The following SRCAP variants were observed in gnomAD, a reference collection of about 807,000 sequenced individuals.
The protein encoded by SRCAP is chromatin remodeling protein SRCAP.
SRCAP carries 46 observed loss-of-function variants against 263.1 expected under a neutral mutation model. The ratio of observed to expected loss-of-function variants is 0.17; its 90% CI spans 0.14 to 0.22. The LOEUF (loss-of-function observed/expected upper bound fraction) is 0.22, where lower values mean the gene tolerates loss of function less well. Among genes scored for constraint, SRCAP ranks in the 10% least tolerant of loss-of-function variants. SRCAP has a pLI of 1.00. For synonymous variants in SRCAP, 1,813 were observed against 1,662.1 expected, an observed-to-expected ratio of 1.09 and a Z score of -2.21; for missense variants, 3,695 against 4,181.9, an observed-to-expected ratio of 0.88 and a Z score of 3.21.
intron 18 of SRCAP, among the ~76,000 whole-genome samples, chr16:30,717,151 G>A (rs2052958855): frequency 6.6e-6 from 1 of 152,020 alleles, no homozygotes; most frequent in African/African-American, 2.4e-5. Context: ...ATTAATGAGT[G>A]TGAATTGGTA....
Position 30,712,124 on chromosome 16 carries a change from C to T in SRCAP, c.1782C>T (p.Leu594=). The stretch of plus-strand genomic sequence containing the variant: ...ACATTGCTGCAGCAGCTGAAAGTCT[C>T]CAGCCCAAGGGTTACACGCTGGCCA... ...ITDIAAAAES[L]QPKGYTLATT... is the part of the protein sequence containing the mutation. The change falls in exon 12 of 34, where the codon CTC becomes CTT. Residue 594 remains leucine, a synonymous_variant. Transcript: ENST00000262518. 6.2e-7 allele frequency: 1 copy of T among 1,614,130 alleles called. No homozygotes were observed. The highest frequency in any genetic ancestry group is 8.5e-7 in the Non-Finnish European group (1 of 1,180,026).
chr16:30,727,373 CT>C (rs1332781309), intron 25 of SRCAP, among the ~76,000 whole-genome samples: 5 of 152,086 alleles, frequency 3.3e-5, no homozygotes, highest in Non-Finnish European at 1.5e-5. Context: ...ATTACAGATC[CT>C]TTTTCAGACG....
intron 8 of SRCAP, 23 bp downstream of exon 8, chr16:30,710,151 G>A: frequency 1.2e-6 from 2 of 1,601,536 alleles, no homozygotes; most frequent in Non-Finnish European, 1.7e-6. Context: ...GGAGCAGAGG[G>A]AGGGTTCAGA....
chr16:30,725,351 TAAATG>T (rs2053054518), intron 25 of SRCAP: 5 of 478,810 alleles, frequency 1.0e-5, no homozygotes, highest in African/African-American at 7.9e-5. Flanking sequence ...CGCACGGTAA[TAAATG>T]GGCAGTAAAA....
In SRCAP at chr16:30,737,857, C is replaced by T; in HGVS notation, c.7817C>T (p.Ala2606Val). 6.2e-7 allele frequency: 1 copy of T among 1,614,220 alleles called. No homozygotes were observed. Among genetic ancestry groups the T allele is most frequent in the South Asian group, 1.1e-5 (1 of 91,092 alleles). ...SEKNLSLTPS[A>V]PSLTLEAGSI... ...AAGAACCTTTCTCTCACCCCTTCTG[C>T]ACCCAGCCTGACCTTGGAGGCTGGC... Residue 2606 changes from alanine (A) to valine (V), a missense_variant, in exon 34 of 34, where the codon GCA (alanine) becomes GTA (valine). This residue lies in a region of SRCAP where 1,207 missense variants were observed against 1,142.9 expected (regional missense o/e 1.06). Transcript: ENST00000262518.
chr16:30,711,689 A>G lies in SRCAP; in HGVS notation c.1437A>G (p.Pro479=), dbSNP rs1458004783. Residue 479 remains proline (P), a synonymous_variant, in exon 11 of 34, where the codon CCA becomes CCG. Coordinates refer to ENST00000262518, the MANE Select transcript of SRCAP (RefSeq NM_006662.3). The stretch of plus-strand genomic sequence containing the variant: ...ATGCTAATAGCTCTGACTGTGAACC[A>G]GAGGGGCCCGTGGAAGCGGAAGAGC... ...EVDANSSDCE[P]EGPVEAEEPP... 1 of 1,614,086 alleles carries G rather than the reference A, an allele frequency of 6.2e-7. No homozygotes were observed. The highest frequency in any genetic ancestry group is 8.5e-7 in the Non-Finnish European group (1 of 1,179,996).
chr16:30,719,919 A>C (rs1292250677), intron 18 of SRCAP, among the ~76,000 whole-genome samples: 1 of 152,128 alleles, frequency 6.6e-6, no homozygotes, highest in Non-Finnish European at 1.5e-5. Context: ...GGTTGTGAGC[A>C]TGGTACTCAA....
intron 6 of SRCAP, among the ~76,000 whole-genome samples, chr16:30,709,041 A>G (rs1451054293): frequency 6.6e-6 from 1 of 151,536 alleles, no homozygotes; most frequent in Non-Finnish European, 1.5e-5. Flanking sequence ...CTGGTCTCGA[A>G]CTCCTGACCT....
In SRCAP at chr16:30,737,772, T is replaced by C; in HGVS notation, c.7732T>C (p.Ser2578Pro). The C allele has an allele frequency of 6.2e-7, 1 of 1,614,142 alleles. No homozygotes were observed. The highest frequency in any genetic ancestry group is 8.5e-7 in the Non-Finnish European group (1 of 1,180,028). ...SVASSETSSL[S>P]LVPPKDLLPV... is the part of the protein sequence containing the mutation. ...GGCCAGTTCAGAAACCTCCTCACTT[T>C]CTCTTGTGCCCCCTAAAGATCTGTT... The change falls in exon 34 of 34, where the codon TCT (serine) becomes CCT (proline). Residue 2578 changes from serine to proline, a missense_variant. Ser to Pro is a moderately conservative substitution (Grantham distance 74, BLOSUM62 -1). Coordinates refer to ENST00000262518, the MANE Select transcript of SRCAP (RefSeq NM_006662.3).
chr16:30,712,937 A>G (rs1414534142), intron 14 of SRCAP, 122 bp downstream of exon 14: 2 of 1,295,344 alleles, frequency 1.5e-6, no homozygotes, highest in Non-Finnish European at 2.1e-6. Flanking sequence ...AATTTTTTGT[A>G]AAAATAAAGA....
Position 30,712,039 on chromosome 16 carries a change from C to T in SRCAP, c.1697C>T (p.Ala566Val), listed in dbSNP as rs1294696166. The T allele has an allele frequency of 4.3e-6, 7 of 1,614,000 alleles. No individual in the cohort carries two copies. The highest frequency in any genetic ancestry group is 5.9e-6 in the Non-Finnish European group (7 of 1,180,000). ...ARDEEQSEAD[A>V]GSGPPTPGPT... ...GATGAAGAGCAGAGTGAGGCAGATG[C>T]AGGCAGTGGGCCTCCTACTCCAGGG... The change falls in exon 12 of 34, where the codon GCA becomes GTA. Residue 566 changes from alanine (A) to valine (V), a missense_variant. By Grantham distance (64) the Ala-to-Val change is moderately conservative (BLOSUM62 0). Transcript: ENST00000262518.
intron 6 of SRCAP, among the ~76,000 whole-genome samples, chr16:30,708,433 C>G (rs750090403): frequency 3.3e-5 from 5 of 152,062 alleles, no homozygotes; most frequent in Non-Finnish European, 1.5e-5. Flanking sequence ...CAGAGTCTCA[C>G]CCCGTCACCT....
chr16:30,735,374 C>T (rs1295431592), intron 31 of SRCAP, among the ~76,000 whole-genome samples: 3 of 151,338 alleles, frequency 2.0e-5, no homozygotes, highest in Non-Finnish European at 4.4e-5. Context: ...TCTCGATCTC[C>T]TGACCTCGTG....
Position 30,709,645 on chromosome 16 carries a change from A to G in SRCAP, c.766A>G (p.Thr256Ala). Reference sequence around the variant, plus strand: ...GTCTCAGAGCCTCAACCAGCCATTAACCTCCAGCAAAGCAGGCTCTTCCCC... The same window carrying G: ...GTCTCAGAGCCTCAACCAGCCATTAGCCTCCAGCAAAGCAGGCTCTTCCCC... ...LLSQSLNQPL[T>A]SSKAGSSPCL... Residue 256 changes from threonine (T) to alanine (A), a missense_variant, in exon 7 of 34, where the codon ACC becomes GCC. By Grantham distance (58) the Thr-to-Ala change is moderately conservative. Coordinates refer to ENST00000262518, the MANE Select transcript of SRCAP (RefSeq NM_006662.3). The G allele has an allele frequency of 6.2e-7, 1 of 1,614,028 alleles. No homozygotes were observed. Among genetic ancestry groups the G allele is most frequent in the Non-Finnish European group, 8.5e-7 (1 of 1,179,996 alleles).
chr16:30,705,994 C>T (rs1466618926), intron 4 of SRCAP, among the ~76,000 whole-genome samples: 1 of 152,132 alleles, frequency 6.6e-6, no homozygotes, highest in African/African-American at 2.4e-5. Context: ...GTGAGCACAA[C>T]CTGTTTCTAA....
At chr16:30,723,490 A>T in intron 24 of SRCAP, 94 bp from the exon 25 acceptor site, 1 of 1,515,058 alleles carries the variant, frequency 6.6e-7, no homozygotes, top group Non-Finnish European at 8.8e-7. Flanking sequence ...GCCTTCTGGG[A>T]AATGGGAAGC....
Position 30,729,123 on chromosome 16 carries a change from G to A in SRCAP, c.5816G>A (p.Arg1939His), listed in dbSNP as rs553945599. The A allele has an allele frequency of 3.1e-6, 5 of 1,614,122 alleles. No individual in the cohort carries two copies. The highest frequency in any genetic ancestry group is 2.2e-5 in the South Asian group (2 of 91,078). ...CCTGTTGCCAGCCCCATCGGCCCTC[G>A]TTCTCCTGGCCCCAGCCACCCCACC... ...PQPVASPIGP[R>H]SPGPSHPTFW... is the part of the protein sequence containing the mutation. Residue 1939 changes from arginine (R) to histidine (H), a missense_variant, in exon 26 of 34, where the codon CGT becomes CAT. By Grantham distance (29) the Arg-to-His change is conservative. Transcript: ENST00000262518.
Position 30,724,874 on chromosome 16 carries a change from C to A in SRCAP, c.5450C>A (p.Ala1817Asp). 2 of 1,614,226 alleles carry A rather than the reference C, an allele frequency of 1.2e-6. No individual in the cohort carries two copies. The highest frequency in any genetic ancestry group is 1.1e-5 in the South Asian group (1 of 91,092). Residue 1817 changes from alanine to aspartate, a missense_variant, in exon 25 of 34, where the codon GCT (alanine) becomes GAT (aspartate). Physicochemically the swap from Ala to Asp is moderately radical, Grantham distance 126 (BLOSUM62 -2). This residue lies in a region of SRCAP where 1,347 missense variants were observed against 1,304.4 expected (regional missense o/e 1.03). Coordinates refer to ENST00000262518, the MANE Select transcript of SRCAP (RefSeq NM_006662.3). ...ALAPASTQSP[A>D]SQASSLVVSA... is the part of the protein sequence containing the mutation. ...GCCCCAGCCTCCACACAGTCCCCAG[C>A]TTCCCAGGCATCTTCCCTTGTGGTT...
At position 30,722,979 on chromosome 16, in the gene SRCAP, G is replaced by A. The variant is rs1383732100; in HGVS notation, c.3909G>A (p.Val1303=). The change falls in exon 24 of 34, where the codon GTG becomes GTA. Residue 1303 remains valine, a synonymous_variant. Transcript: ENST00000262518. ...LAANQVPPTM[V]NNTGVVKIVV... is the part of the protein sequence containing the mutation. ...CTCTTGCAGTGCCACCAACCATGGT[G>A]AATAATACAGGCGTGGTGAAGATTG... 1 of 1,611,100 alleles carries A rather than the reference G, an allele frequency of 6.2e-7. No homozygotes were observed. Among genetic ancestry groups the A allele is most frequent in the Non-Finnish European group, 8.5e-7 (1 of 1,177,730 alleles).
Sources: gnomAD v4.1 joint callset for allele counts (sites outside exome capture counted in the v4.1 genomes callset) on GRCh38, gnomAD v4.1.1 for gene constraint, gnomAD v4.1.1 regional missense constraint, MANE v1.5 for transcripts, NCBI Gene and HGNC (gene_info 2026-07-23, HGNC 2026-07-21) for gene names.